DIS3L: variants seen among roughly 807,000 people sequenced by gnomAD.
DIS3L encodes DIS3 like exosome 3'-5' exoribonuclease.
Under a neutral mutation model 120.3 loss-of-function variants are expected in DIS3L, and 100 were observed. That is an observed-to-expected ratio of 0.83 (90% CI 0.71 to 0.98). The LOEUF is 0.98. Among genes scored for constraint, DIS3L ranks in the 50% least tolerant of loss-of-function variants. DIS3L has a pLI of 0.00. For missense variants in DIS3L, 1,196 were observed against 1,314.2 expected, an observed-to-expected ratio of 0.91 and a Z score of 1.39; for synonymous variants, 426 against 470.6, an observed-to-expected ratio of 0.91 and a Z score of 1.23.
Position 66,325,814 on chromosome 15 carries a change from T to C in DIS3L, c.1668-17T>C. ...TGAATTTGAATAGTGATGTTGTCAA[T>C]GTTACTGTTTTTGTAGGTATGCTGT... On this transcript the variant is annotated splice_polypyrimidine_tract_variant and intron_variant, in intron 11 of 16. Transcript: ENST00000319212. The C allele has an allele frequency of 6.4e-7, 1 of 1,573,636 alleles. No homozygotes were observed. The highest frequency in any genetic ancestry group is 8.6e-7 in the Non-Finnish European group (1 of 1,157,510).
chr15:66,322,957 C>T (rs1383816499), intron 10 of DIS3L, 23 bp downstream of exon 10: 3 of 1,612,570 alleles, frequency 1.9e-6, no homozygotes, highest in Admixed American at 3.3e-5. Context: ...GAAATCAGCT[C>T]TATGGTTGTG....
At chr15:66,303,975 A>G (rs1379363230) in intron 2 of DIS3L, among the ~76,000 whole-genome samples, 1 of 150,830 alleles carries the variant, frequency 6.6e-6, no homozygotes, top group Non-Finnish European at 1.5e-5. Flanking sequence ...CTGCAGTCCC[A>G]GCTACTCGGG....
At chr15:66,323,696 T>A (rs772734532) in intron 11 of DIS3L, 111 bp downstream of exon 11, 138 of 1,130,862 alleles carry the variant, frequency 1.2e-4, no homozygotes, top group Non-Finnish European at 7.8e-5. Context: ...CCCAGCCCTG[T>A]GTCTCCCCTC....
At chr15:66,315,593 T>A (rs1414113106) in intron 7 of DIS3L, among the ~76,000 whole-genome samples, 1 of 152,164 alleles carries the variant, frequency 6.6e-6, no homozygotes, top group Non-Finnish European at 1.5e-5. Flanking sequence ...CTCTCCATTA[T>A]CAATTTTCCC....
chr15:66,304,220 GCA>G (rs763440651), intron 2 of DIS3L, among the ~76,000 whole-genome samples: 5 of 152,092 alleles, frequency 3.3e-5, no homozygotes, highest in Non-Finnish European at 5.9e-5. Context: ...GGAGGCCAAG[GCA>G]GGAGGATCGA....
At chr15:66,309,963 C>T (rs951036336) in intron 4 of DIS3L, among the ~76,000 whole-genome samples, 5 of 152,188 alleles carry the variant, frequency 3.3e-5, no homozygotes, top group Non-Finnish European at 7.3e-5. Context: ...GTCTCAGCAA[C>T]GCAGTTCTTC....
At chr15:66,324,700 TA>T (rs2092918532) in intron 11 of DIS3L, among the ~76,000 whole-genome samples, 1 of 152,206 alleles carries the variant, frequency 6.6e-6, no homozygotes, top group African/African-American at 2.4e-5. Context: ...GCCAATTTGA[TA>T]GATGAAAAAT....
chr15:66,320,574 T>G lies in DIS3L; in HGVS notation c.1168T>G (p.Phe390Val), dbSNP rs532107952. 4 of 1,613,208 alleles carry G rather than the reference T, an allele frequency of 2.5e-6. No homozygotes were observed. The highest frequency in any genetic ancestry group is 3.4e-6 in the Non-Finnish European group (4 of 1,179,738). The change falls in exon 9 of 17, where the codon TTC becomes GTC. Residue 390 changes from phenylalanine to valine, a missense_variant. Physicochemically the swap from Phe to Val is conservative, Grantham distance 50. Transcript: ENST00000319212. ...TTTATTTTTTCCTTTTGTGCAGGACTTCAGGGTGGTCGTGCGCATCGATTC... is the reference window on the plus strand; with the variant it reads ...TTTATTTTTTCCTTTTGTGCAGGACGTCAGGGTGGTCGTGCGCATCGATTC... ...STQQAETLQD[F>V]RVVVRIDSWE...
rs145314785 is a variant in DIS3L, at chr15:66,333,046, A to G, written c.2899A>G (p.Ile967Val). ...GGCCTCACGTTGCCATTCTGATACA[A>G]TCAGACTTGAAATAATTAGTAACAA... Reference protein sequence around the residue: ...IQASRCHSDTIRLEIISNKPY... With the variant: ...IQASRCHSDTVRLEIISNKPY... Residue 967 changes from isoleucine to valine, a missense_variant, in exon 17 of 17, where the codon ATC becomes GTC. Transcript: ENST00000319212. 1.2e-5 allele frequency: 20 copies of G among 1,613,314 alleles called. No homozygotes were observed. The African/African-American group carries it at 2.1e-4, about 17-fold the overall frequency.
In DIS3L at chr15:66,333,432, A is replaced by G; in HGVS notation, c.*120A>G. 5.3e-6 allele frequency: 6 copies of G among 1,139,172 alleles called. No individual in the cohort carries two copies. In the South Asian group the frequency reaches 9.9e-5, roughly 19 times the overall value. 70.6% of individuals were successfully genotyped at this position (1,139,172 alleles called of 1,614,324 possible). A position where few individuals can be genotyped will look rare whatever the true frequency, so the allele number is the denominator to read the frequency against. ...TCAGGACTGGGTAGCTATTTCGCAT[A>G]TATGTAAAATGTTCTCAGCCGGGCA... On this transcript the variant is annotated 3_prime_UTR_variant, in exon 17 of 17. Coordinates refer to ENST00000319212, the MANE Select transcript of DIS3L (RefSeq NM_001143688.3).
rs750295 is a variant in DIS3L, at chr15:66,320,480, A to T, written c.1165-91A>T. 1.6e-5 allele frequency: 22 copies of T among 1,414,834 alleles called. No individual in the cohort carries two copies. In the Admixed American group the frequency reaches 2.0e-4, roughly 13 times the overall value. 87.6% of individuals were successfully genotyped at this position (1,414,834 alleles called of 1,614,324 possible). A position where few individuals can be genotyped will look rare whatever the true frequency, so the allele number is the denominator to read the frequency against. On this transcript the variant is annotated intron_variant, in intron 8 of 16. Coordinates refer to ENST00000319212, the MANE Select transcript of DIS3L (RefSeq NM_001143688.3). The stretch of plus-strand genomic sequence containing the variant: ...CACCTGGCCACTCTCCTTGGAACCC[A>T]GTATTGTTTGCCTCTTGTTTGTTTG...
chr15:66,329,285 A>G lies in DIS3L; in HGVS notation c.2421A>G (p.Val807=). Residue 807 remains valine, a synonymous_variant, in exon 14 of 17, where the codon GTA becomes GTG. Transcript: ENST00000319212. ...SPIRRYSDIV[V]HRLLMAAISK... ...TAAGAAGATATTCAGATATTGTAGT[A>G]CACCGCTTGTTAATGGCAGCCATTT... The G allele has an allele frequency of 6.2e-7, 1 of 1,614,156 alleles. No individual in the cohort carries two copies. The highest frequency in any genetic ancestry group is 8.5e-7 in the Non-Finnish European group (1 of 1,180,016).
intron 4 of DIS3L, among the ~76,000 whole-genome samples, chr15:66,309,703 A>G (rs1183991372): frequency 2.6e-5 from 4 of 152,172 alleles, no homozygotes; most frequent in South Asian, 2.1e-4. Context: ...TCGGACCCCA[A>G]AGCTCTTAGC....
rs755584442 is a variant in DIS3L, at chr15:66,311,847, C to T, written c.682C>T (p.His228Tyr). The change falls in exon 5 of 17, where the codon CAT (histidine) becomes TAT (tyrosine). Residue 228 changes from histidine to tyrosine, a missense_variant. His to Tyr is a moderately conservative substitution (Grantham distance 83). Coordinates refer to ENST00000319212, the MANE Select transcript of DIS3L (RefSeq NM_001143688.3). ...QESHGKEYPE[H>Y]LPLEVLEAGI... ...GAGCCATGGGAAGGAGTACCCAGAACATCTTCCCCTGGAAGTGTTAGAAGC... is the reference window on the plus strand; with the variant it reads ...GAGCCATGGGAAGGAGTACCCAGAATATCTTCCCCTGGAAGTGTTAGAAGC... The T allele has an allele frequency of 5.0e-6, 8 of 1,614,002 alleles. No individual in the cohort carries two copies. In the South Asian group the frequency reaches 5.5e-5, roughly 11 times the overall value.
At position 66,326,091 on chromosome 15, in the gene DIS3L, G is replaced by C. The variant is rs778702920; in HGVS notation, c.1928G>C (p.Arg643Pro). 3.1e-6 allele frequency: 5 copies of C among 1,614,178 alleles called. No individual in the cohort carries two copies. The Admixed American group carries it at 8.3e-5, about 27-fold the overall frequency. Residue 643 changes from arginine (R) to proline (P), a missense_variant, in exon 12 of 17, where the codon CGA becomes CCA. Physicochemically the swap from Arg to Pro is moderately radical, Grantham distance 103 (BLOSUM62 -2). Coordinates refer to ENST00000319212, the MANE Select transcript of DIS3L (RefSeq NM_001143688.3). ...TDIARHVRAK[R>P]DGCGALELEG... ...ATAGCTCGCCATGTCAGAGCTAAAC[G>C]AGACGGATGTGGTGCCCTGGAACTG...
intron 11 of DIS3L, among the ~76,000 whole-genome samples, chr15:66,325,122 G>A (rs1199871039): frequency 1.3e-5 from 2 of 152,176 alleles, no homozygotes; most frequent in African/African-American, 2.4e-5. Context: ...GGCCGGGCAC[G>A]GTGGCTCACG....
chr15:66,299,781 C>T (rs955531300), intron 2 of DIS3L, among the ~76,000 whole-genome samples: 1 of 152,088 alleles, frequency 6.6e-6, no homozygotes, highest in Non-Finnish European at 1.5e-5. Flanking sequence ...CACAGCCGGG[C>T]GCGGTGGCTC....
chr15:66,295,011 G>A lies in DIS3L; in HGVS notation c.163G>A (p.Val55Met). Residue 55 changes from valine to methionine, a missense_variant, in exon 2 of 17, where the codon GTG becomes ATG. Physicochemically the swap from Val to Met is conservative, Grantham distance 21. Transcript: ENST00000319212. ...SHDGKLLSSD[V>M]THYVIPDWKV... ...AGATGGGAAACTCTTGTCTAGTGATGTGACTCATTACGTGATCCCAGACTG... is the reference window on the plus strand; with the variant it reads ...AGATGGGAAACTCTTGTCTAGTGATATGACTCATTACGTGATCCCAGACTG... The A allele has an allele frequency of 6.2e-7, 1 of 1,613,766 alleles. No individual in the cohort carries two copies. The highest frequency in any genetic ancestry group is 1.1e-5 in the South Asian group (1 of 91,058).
At chr15:66,330,061 G>C in intron 14 of DIS3L, 1 of 984,768 alleles carries the variant, frequency 1.0e-6, no homozygotes. Flanking sequence ...CCAGTACTTT[G>C]GGAGGCTGAG....
Sources: allele counts gnomAD v4.1 joint callset (sites outside exome capture counted in the v4.1 genomes callset), GRCh38; gene constraint gnomAD v4.1.1; transcripts MANE v1.5; gene names NCBI Gene and HGNC (gene_info 2026-07-23, HGNC 2026-07-21).